PISD: variants seen among roughly 807,000 people sequenced by gnomAD.
The protein encoded by PISD is phosphatidylserine decarboxylase proenzyme, mitochondrial.
In PISD, 31 loss-of-function variants were observed where a neutral mutation model predicts 43.5. The ratio of observed to expected loss-of-function variants is 0.71; its 90% CI spans 0.54 to 0.96. The LOEUF (loss-of-function observed/expected upper bound fraction) is 0.96, where lower values mean the gene tolerates loss of function less well. Ranked by LOEUF, PISD falls within the 40% of genes least tolerant of loss-of-function variation. The probability of loss-of-function intolerance (pLI) is 0.00; values close to 1 mark genes in which losing one functional copy is unlikely to be tolerated. For synonymous variants in PISD, 259 were observed against 228.7 expected (o/e 1.13, Z -1.20); for missense variants, 523 against 548.4 (o/e 0.95, Z 0.46).
At chr22:31,634,059 C>T (rs1322150455) in intron 3 of PISD, among the ~76,000 whole-genome samples, 1 of 152,216 alleles carries the variant, frequency 6.6e-6, no homozygotes, top group Non-Finnish European at 1.5e-5. Flanking sequence ...GCCTCCCTGC[C>T]TCAGTCAAGC....
intron 3 of PISD, among the ~76,000 whole-genome samples, chr22:31,646,801 T>C (rs2073899459): frequency 6.6e-6 from 1 of 152,176 alleles, no homozygotes. Flanking sequence ...GGCAGCATAC[T>C]TTGAAAGTGT....
intron 3 of PISD, among the ~76,000 whole-genome samples, chr22:31,624,851 A>G (rs1341531200): frequency 6.6e-6 from 1 of 152,114 alleles, no homozygotes; most frequent in East Asian, 1.9e-4. Context: ...GCAGGGGCTC[A>G]GCTTCACCAG....
At chr22:31,621,987 C>T (rs960926851) in intron 3 of PISD, 102 bp from the exon 4 acceptor site, 7 of 898,162 alleles carry the variant, frequency 7.8e-6, no homozygotes, top group African/African-American at 1.6e-5. Context: ...GGAGAATCTG[C>T]ACCCCACGGA....
chr22:31,643,474 AC>A (rs34561628), intron 3 of PISD, among the ~76,000 whole-genome samples: 1,947 of 152,292 alleles, frequency 0.013, 96 homozygotes, highest in Admixed American at 0.077. Flanking sequence ...AGTGGCACAT[AC>A]CTACAGTCCA....
chr22:31,640,227 C>A (rs894268056), intron 3 of PISD, among the ~76,000 whole-genome samples: 1 of 144,358 alleles, frequency 6.9e-6, no homozygotes, highest in African/African-American at 2.6e-5. Flanking sequence ...GAGACAGAGT[C>A]TTGCTCTGTC....
chr22:31,629,782 T>G (rs1391458619), intron 3 of PISD: 1 of 152,170 alleles, frequency 6.6e-6, no homozygotes, highest in Admixed American at 6.5e-5. Flanking sequence ...TCACCTGCAG[T>G]CTGCAGCCCG....
chr22:31,662,474 T>C (rs530778218), upstream of PISD: 8 of 525,054 alleles, frequency 1.5e-5, no homozygotes, highest in Admixed American at 2.7e-4. Context: ...CCTTTCCTCA[T>C]GTACCTGGAA....
chr22:31,632,820 A>G (rs1201966933), intron 3 of PISD, among the ~76,000 whole-genome samples: 1 of 152,240 alleles, frequency 6.6e-6, no homozygotes, highest in East Asian at 1.9e-4. Flanking sequence ...GGTTAATATT[A>G]GAAATGTTTG....
upstream of PISD, chr22:31,662,325 C>A: frequency 1.6e-5 from 16 of 1,030,396 alleles, no homozygotes; most frequent in South Asian, 2.0e-4. Flanking sequence ...GGGGCGGAGC[C>A]GACTAAGCTC....
At chr22:31,624,648 C>G (rs962150008) in intron 3 of PISD, among the ~76,000 whole-genome samples, 1 of 139,086 alleles carries the variant, frequency 7.2e-6, no homozygotes, top group Non-Finnish European at 1.6e-5. Flanking sequence ...TGGGGCTGCA[C>G]AGACAGACAC....
chr22:31,655,311 A>ACC (rs566326035), intron 1 of PISD, among the ~76,000 whole-genome samples: 1 of 145,414 alleles, frequency 6.9e-6, no homozygotes, highest in African/African-American at 2.6e-5. Flanking sequence ...CTCAGGTACA[A>ACC]CCCCCTTTTT....
chr22:31,627,931 A>G (rs1300390034), intron 3 of PISD: 2 of 729,870 alleles, frequency 2.7e-6, no homozygotes, highest in African/African-American at 3.8e-5. Context: ...GCCAGGTCAG[A>G]TGCCCATCAG....
chr22:31,648,599 G>A lies in PISD; in HGVS notation c.146-323C>T, dbSNP rs530957620. ...GCAGAATGGCGTGAACCTGGGAGGC[G>A]GAGCTTGCAGTGAGCCGAGACTGCA... On this transcript the variant is annotated intron_variant, in intron 2 of 7. Transcript: ENST00000439502. Among the ~76,000 whole-genome samples, 362 of 151,626 alleles carry A rather than the reference G, an allele frequency of 2.4e-3. 2 individuals are homozygous for A. Among genetic ancestry groups the A allele is most frequent in the African/African-American group, 7.4e-3 (306 of 41,298 alleles).
In PISD at chr22:31,618,564, T is replaced by C. The variant is rs1330954406; in HGVS notation, c.*1048A>G. On this transcript the variant is annotated 3_prime_UTR_variant, in exon 8 of 8. Coordinates refer to ENST00000439502, the MANE Select transcript of PISD (RefSeq NM_001326411.2). Reference sequence around the variant, plus strand: ...TTACTGTTCAGAAGTCTCCCACTTTTCATACAAAAATACTGTGCTACTGAT... The same window carrying C: ...TTACTGTTCAGAAGTCTCCCACTTTCCATACAAAAATACTGTGCTACTGAT... 3 of 820,876 alleles carry C rather than the reference T, an allele frequency of 3.7e-6. No individual in the cohort carries two copies. The highest frequency in any genetic ancestry group is 1.7e-6 in the Non-Finnish European group (1 of 572,730). 50.8% of individuals were successfully genotyped at this position (820,876 alleles called of 1,614,324 possible).
chr22:31,632,342 C>T (rs1796872667), intron 3 of PISD: 3 of 591,376 alleles, frequency 5.1e-6, no homozygotes, highest in South Asian at 7.5e-5. Flanking sequence ...AGGCACAGTG[C>T]CACCCCTAAG....
chr22:31,621,224 C>A, intron 5 of PISD, 82 bp from the exon 6 acceptor site: 1 of 1,610,796 alleles, frequency 6.2e-7, no homozygotes, highest in South Asian at 1.1e-5. Context: ...CACATGGATT[C>A]TCAGGGAGGC....
intron 3 of PISD, among the ~76,000 whole-genome samples, chr22:31,622,121 C>T (rs1233025191): frequency 6.6e-6 from 1 of 152,258 alleles, no homozygotes; most frequent in Non-Finnish European, 1.5e-5. Flanking sequence ...TTCATCATTT[C>T]ATGCAAAAGT....
chr22:31,656,527 T>C (rs962957062), intron 1 of PISD, among the ~76,000 whole-genome samples: 13 of 151,466 alleles, frequency 8.6e-5, no homozygotes, highest in African/African-American at 2.9e-4. Context: ...TCGGTGCCTA[T>C]AGTCCCAGCT....
chr22:31,655,657 T>G (rs951728652), intron 1 of PISD, among the ~76,000 whole-genome samples: 1 of 150,516 alleles, frequency 6.6e-6, no homozygotes, highest in Non-Finnish European at 1.5e-5. Context: ...GTTTTTGAGA[T>G]GCAGTCTCGC....
Sources: allele counts gnomAD v4.1 joint callset (sites outside exome capture counted in the v4.1 genomes callset), GRCh38; gene constraint gnomAD v4.1.1; transcripts MANE v1.5; gene names NCBI Gene and HGNC (gene_info 2026-07-23, HGNC 2026-07-21).